The following THBS2 variants were observed in gnomAD, a reference collection of about 807,000 sequenced individuals.
THBS2 encodes thrombospondin-2.
In THBS2, 47 loss-of-function variants were observed where a neutral mutation model predicts 135.2. The ratio of observed to expected loss-of-function variants is 0.35; its 90% CI spans 0.28 to 0.44. THBS2 has a LOEUF of 0.44. THBS2 is among the 20% of genes least tolerant of loss of function. THBS2 has a pLI of 1.00. For missense variants in THBS2, 1,288 were observed against 1,603.1 expected (o/e 0.80, Z 3.36); for synonymous variants, 639 against 633.8 (o/e 1.01, Z -0.12).
At chr6:169,230,655 G>A (rs1012948832) in intron 13 of THBS2, among the ~76,000 whole-genome samples, 9 of 152,176 alleles carry the variant, frequency 5.9e-5, no homozygotes, top group East Asian at 1.9e-4. Flanking sequence ...TACCATTTTC[G>A]AAGTTATTAA....
At chr6:169,245,691 C>A (rs1256724762) in intron 4 of THBS2, among the ~76,000 whole-genome samples, 1 of 150,764 alleles carries the variant, frequency 6.6e-6, no homozygotes, top group Non-Finnish European at 1.5e-5. Flanking sequence ...ACTCAGGAGG[C>A]TGAGGCAGAA....
At chr6:169,228,385 T>A in intron 14 of THBS2, 104 bp from the exon 15 acceptor site, 1 of 1,404,988 alleles carries the variant, frequency 7.1e-7, no homozygotes, top group South Asian at 1.4e-5. Context: ...AAAATCAATA[T>A]AGAAATCAAA....
chr6:169,239,590 G>A lies in THBS2; in HGVS notation c.1129+9C>T, dbSNP rs376028273. ...ATGCAGGATGCGCTTGCCGGCTGGC[G>A]ATACTCACAGTGGAGGCAGGAAGGG... is the stretch of plus-strand genomic sequence containing the variant. On this transcript the variant is annotated intron_variant, in intron 7 of 21. Coordinates refer to ENST00000617924, the MANE Select transcript of THBS2 (RefSeq NM_003247.5). 280 of 1,592,254 alleles carry A rather than the reference G, an allele frequency of 1.8e-4. No homozygotes were observed. The highest frequency in any genetic ancestry group is 2.2e-4 in the Non-Finnish European group (259 of 1,169,226).
Position 169,250,744 on chromosome 6 carries a change from G to A in THBS2, c.41C>T (p.Pro14Leu). Residue 14 changes from proline (P) to leucine (L), a missense_variant, in exon 2 of 22, where the codon CCC becomes CTC. Transcript: ENST00000617924. The part of the protein sequence containing the change: ...RLVLLALWVW[P>L]STQAGHQDKD... ...CTGAGGACACTCACCTTGCGTGCTG[G>A]GCCACACCCACAGAGCCAGCAGGAC... The A allele has an allele frequency of 1.2e-6, 2 of 1,613,586 alleles. No individual in the cohort carries two copies. The highest frequency in any genetic ancestry group is 1.7e-6 in the Non-Finnish European group (2 of 1,179,808).
chr6:169,217,791 A>G lies in THBS2; in HGVS notation c.*31T>C. 6.2e-7 allele frequency: 1 copy of G among 1,611,426 alleles called. No individual in the cohort carries two copies. The highest frequency in any genetic ancestry group is 8.5e-7 in the Non-Finnish European group (1 of 1,178,954). On this transcript the variant is annotated 3_prime_UTR_variant, in exon 22 of 22. Coordinates refer to ENST00000617924, the MANE Select transcript of THBS2 (RefSeq NM_003247.5). ...GGTGTCTAGGGACCATGGCATGCAC[A>G]GGGCATTGCCGGAAATGCAGCAAAT...
Position 169,231,990 on chromosome 6 carries a change from T to C in THBS2, c.2141A>G (p.His714Arg). 1.2e-6 allele frequency: 2 copies of C among 1,613,722 alleles called. No homozygotes were observed. Among genetic ancestry groups the C allele is most frequent in the Admixed American group, 1.7e-5 (1 of 60,018 alleles). Reference protein sequence around the residue: ...NLVCATNATYHCIKDNCPHLP... With the variant: ...NLVCATNATYRCIKDNCPHLP... ...AGCCCCGCGCCTCACCTTGATGCAG[T>C]GGTAGGTGGCGTTGGTGGCGCAGAC... The change falls in exon 13 of 22, where the codon CAC becomes CGC. Residue 714 changes from histidine to arginine, a missense_variant. Transcript: ENST00000617924.
At chr6:169,219,674 G>C (rs778475655) in intron 21 of THBS2, 2 of 438,064 alleles carry the variant, frequency 4.6e-6, no homozygotes, top group African/African-American at 2.0e-5. Flanking sequence ...TGTGATTCTT[G>C]AGAAGCATCC....
chr6:169,220,114 G>A (rs1779369123), intron 21 of THBS2, 84 bp downstream of exon 21: 2 of 1,517,544 alleles, frequency 1.3e-6, no homozygotes, highest in Admixed American at 3.9e-5. Flanking sequence ...TACAGCTTTT[G>A]TAAGTGGAAG....
chr6:169,225,167 G>A lies in THBS2; in HGVS notation c.2751C>T (p.Asn917=). The part of the protein sequence containing the change: ...DDRDNCRLVF[N]PDQEDLDGDG... ...CACCGTCCAAGTCCTCCTGGTCTGG[G>A]TTGAACACAAGCCGGCAGTTGTCCC... Residue 917 remains asparagine (N), a synonymous_variant, in exon 17 of 22, where the codon AAC becomes AAT. Coordinates refer to ENST00000617924, the MANE Select transcript of THBS2 (RefSeq NM_003247.5). 2 of 1,614,210 alleles carry A rather than the reference G, an allele frequency of 1.2e-6. No homozygotes were observed. The highest frequency in any genetic ancestry group is 1.3e-5 in the African/African-American group (1 of 75,052).
At chr6:169,220,966 T>C (rs922122195) in intron 20 of THBS2, among the ~76,000 whole-genome samples, 1 of 152,238 alleles carries the variant, frequency 6.6e-6, no homozygotes, top group Non-Finnish European at 1.5e-5. Context: ...TGATTTTAAA[T>C]TGACCACATT....
chr6:169,220,475 T>TGAA, intron 20 of THBS2, 138 bp from the exon 21 acceptor site: 1 of 1,125,918 alleles, frequency 8.9e-7, no homozygotes, highest in Non-Finnish European at 1.3e-6. Flanking sequence ...CAGGGGGCAT[T>TGAA]GCTGGCTTTC....
intron 7 of THBS2, chr6:169,239,296 T>TG (rs1425413307): frequency 4.7e-6 from 2 of 429,170 alleles, no homozygotes; most frequent in African/African-American, 4.0e-5. Flanking sequence ...GACTCTCAGC[T>TG]GGGGCTCCAT....
In THBS2 at chr6:169,220,182, A is replaced by G; in HGVS notation, c.3511+16T>C. On this transcript the variant is annotated intron_variant, in intron 21 of 21. Transcript: ENST00000617924. ...GCCACATGCCTTCCCCACTAACCTG[A>G]AGTGCTCACACTCACCTCTGCATTC... The G allele has an allele frequency of 6.2e-7, 1 of 1,611,514 alleles. No homozygotes were observed.
Position 169,232,754 on chromosome 6 carries a change from C to A in THBS2, c.1842G>T (p.Gln614His). 6.2e-7 allele frequency: 1 copy of A among 1,614,018 alleles called. No individual in the cohort carries two copies. The highest frequency in any genetic ancestry group is 1.1e-5 in the South Asian group (1 of 91,088). The change falls in exon 12 of 22, where the codon CAG becomes CAT. Residue 614 changes from glutamine to histidine, a missense_variant. By Grantham distance (24) the Gln-to-His change is conservative. Coordinates refer to ENST00000617924, the MANE Select transcript of THBS2 (RefSeq NM_003247.5). ...TSKVPRCVNT[Q>H]PGFHCLPCPP... The stretch of plus-strand genomic sequence containing the variant: ...GGCAGGGCAGGCAGTGGAAGCCAGG[C>A]TGAGTGTTGACACAGCGAGGCACCT...
intron 3 of THBS2, among the ~76,000 whole-genome samples, chr6:169,247,550 T>A (rs1229365862): frequency 2.0e-5 from 3 of 152,082 alleles, no homozygotes; most frequent in African/African-American, 7.2e-5. Context: ...AGTGTATGTA[T>A]GGTGTTTGTG....
At chr6:169,218,404 ATGGG>A (rs1473274996) in intron 21 of THBS2, among the ~76,000 whole-genome samples, 5 of 124,422 alleles carry the variant, frequency 4.0e-5, no homozygotes, top group Admixed American at 8.4e-5. Flanking sequence ...GTGGAGATGG[ATGGG>A]TGGGTGGATG....
intron 1 of THBS2, among the ~76,000 whole-genome samples, chr6:169,253,518 G>A (rs1473813753): frequency 1.3e-5 from 2 of 152,210 alleles, no homozygotes; most frequent in African/African-American, 4.8e-5. Context: ...GCTGAGGAGC[G>A]GCCACGTGCC....
Position 169,248,681 on chromosome 6 carries a change from G to T in THBS2, c.345C>A (p.Ile115=), listed in dbSNP as rs267600897. The part of the protein sequence containing the change: ...GPGLSQRQFE[I]VSNGPADTLD... ...GCGTGTCCGCGGGGCCGTTGGAGAC[G>T]ATCTCGAACTGCCTCTGGGAGAGAC... The change falls in exon 3 of 22, where the codon ATC becomes ATA. Residue 115 remains isoleucine, a synonymous_variant. Transcript: ENST00000617924. The T allele has an allele frequency of 1.7e-5, 28 of 1,613,866 alleles. No individual in the cohort carries two copies. The highest frequency in any genetic ancestry group is 6.6e-5 in the South Asian group (6 of 91,062).
chr6:169,247,323 C>T (rs1780583784), intron 3 of THBS2, among the ~76,000 whole-genome samples: 1 of 152,156 alleles, frequency 6.6e-6, no homozygotes, highest in African/African-American at 2.4e-5. Flanking sequence ...CTGACAACTG[C>T]CTGTGGCTCT....
Sources: allele counts gnomAD v4.1 joint callset (sites outside exome capture counted in the v4.1 genomes callset), GRCh38; gene constraint gnomAD v4.1.1; transcripts MANE v1.5; gene names NCBI Gene and HGNC (gene_info 2026-07-23, HGNC 2026-07-21).